The following IQUB variants were observed in gnomAD, a reference collection of about 807,000 sequenced individuals.
IQUB encodes the protein IQ motif and ubiquitin-like domain-containing protein.
IQUB carries 86 observed loss-of-function variants against 86.4 expected under a neutral mutation model. That is an observed-to-expected ratio of 1.00 (90% CI 0.84 to 1.19). The LOEUF is 1.19. IQUB is among the 50% of genes most tolerant of loss of function. The pLI, the probability that IQUB is intolerant of heterozygous loss-of-function variation, is 0.00. For missense variants in IQUB, 946 were observed against 916.9 expected (o/e 1.03, Z -0.41); for synonymous variants, 289 against 304.5 (o/e 0.95, Z 0.53).
Position 123,461,510 on chromosome 7 carries a change from G to T in IQUB, c.1854C>A (p.Thr618=), listed in dbSNP as rs752651563. Residue 618 remains threonine, a synonymous_variant, in exon 11 of 13, where the codon ACC becomes ACA. Transcript: ENST00000324698. Reference sequence around the variant, plus strand: ...TACGACACCGGTATATGCGGCGTGAGGTGGATGATACAGAAAATTCTGTAG... The same window carrying T: ...TACGACACCGGTATATGCGGCGTGATGTGGATGATACAGAAAATTCTGTAG... ...LPSTEFSVSS[T]SRRIYRCRNC... is the part of the protein sequence containing the mutation. 3 of 1,612,300 alleles carry T rather than the reference G, an allele frequency of 1.9e-6. No individual in the cohort carries two copies. The highest frequency in any genetic ancestry group is 2.5e-6 in the Non-Finnish European group (3 of 1,178,926).
At chr7:123,528,389 C>A (rs1041147667) in intron 1 of IQUB, among the ~76,000 whole-genome samples, 2 of 152,176 alleles carry the variant, frequency 1.3e-5, no homozygotes, top group African/African-American at 4.8e-5. Flanking sequence ...AATACTTATA[C>A]CAAATTATTT....
At chr7:123,501,096 T>C (rs1795923672) in intron 6 of IQUB, 1 of 152,204 alleles carries the variant, frequency 6.6e-6, no homozygotes, top group Non-Finnish European at 1.5e-5. Context: ...GGGATGCAAG[T>C]AGAAGTCACT....
chr7:123,456,410 C>G (rs1404744551), intron 12 of IQUB, among the ~76,000 whole-genome samples: 1 of 152,076 alleles, frequency 6.6e-6, no homozygotes, highest in Non-Finnish European at 1.5e-5. Flanking sequence ...ACATTTAATA[C>G]AGCTTCAACT....
chr7:123,461,453 T>C lies in IQUB; in HGVS notation c.1911A>G (p.Lys637=). 1 of 1,612,388 alleles carries C rather than the reference T, an allele frequency of 6.2e-7. No individual in the cohort carries two copies. The change falls in exon 11 of 13, where the codon AAA becomes AAG. Residue 637 remains lysine (K), a synonymous_variant. Transcript: ENST00000324698. The part of the protein sequence containing the change: ...NCINLQNEAQ[K]RESFLKYKCL... ...ATTTGTACTTCAAAAATGATTCTCG[T>C]TTTTGAGCCTCATTCTGAAGGTTAA...
chr7:123,534,220 G>C (rs530527993), intron 1 of IQUB, among the ~76,000 whole-genome samples: 1 of 152,206 alleles, frequency 6.6e-6, no homozygotes, highest in Non-Finnish European at 1.5e-5. Context: ...AGCACCCAGG[G>C]TGTGAGGTGA....
chr7:123,485,868 A>G (rs1795196216), intron 7 of IQUB, among the ~76,000 whole-genome samples: 1 of 152,204 alleles, frequency 6.6e-6, no homozygotes. Context: ...ACGTAATCAA[A>G]AAGTAGAGAC....
In IQUB at chr7:123,479,947, G is replaced by A. The variant is rs140351084; in HGVS notation, c.1258C>T (p.Arg420Cys). ...LEFWRQEELTRINQSFTGAER... is the reference protein window; with the variant it reads ...LEFWRQEELTCINQSFTGAER... Reference sequence around the variant, plus strand: ...GCTCCAGTAAAAGATTGGTTAATACGTGTAAGTTCTTCTTGCCGCCAGACT... The same window carrying A: ...GCTCCAGTAAAAGATTGGTTAATACATGTAAGTTCTTCTTGCCGCCAGACT... The change falls in exon 8 of 13, where the codon CGT (arginine) becomes TGT (cysteine). Residue 420 changes from arginine (R) to cysteine (C), a missense_variant. Transcript: ENST00000324698. 2.5e-4 allele frequency: 400 copies of A among 1,608,834 alleles called. No individual in the cohort carries two copies. Among genetic ancestry groups the A allele is most frequent in the Middle Eastern group, 6.6e-4 (4 of 6,060 alleles).
At chr7:123,479,747 T>A in intron 8 of IQUB, 48 bp downstream of exon 8, 1 of 1,374,216 alleles carries the variant, frequency 7.3e-7, no homozygotes, top group Non-Finnish European at 1.0e-6. Flanking sequence ...ATTCTACATT[T>A]TTTAACTCAG....
At chr7:123,479,289 TTA>T (rs1794891599) in intron 8 of IQUB, among the ~76,000 whole-genome samples, 1 of 152,158 alleles carries the variant, frequency 6.6e-6, no homozygotes, top group South Asian at 2.1e-4. Flanking sequence ...TTTTCCTTAA[TTA>T]TATGTTTTCA....
rs533866528 is a variant in IQUB at position 123,521,681 on chromosome 7, C to CACAG, written c.-4-9338_-4-9337insCTGT. Among the ~76,000 whole-genome samples, 742 of 151,102 alleles carry CACAG rather than the reference C, an allele frequency of 4.9e-3. 3 individuals are homozygous for CACAG. Among genetic ancestry groups the CACAG allele is most frequent in the Non-Finnish European group, 6.6e-3 (446 of 67,780 alleles). ...ACACACACACACACACACACACACA[C>CACAG]AGAGATCACAGTTCTCTGTAACCTG... On this transcript the variant is annotated intron_variant, in intron 1 of 12. Transcript: ENST00000324698.
intron 11 of IQUB, among the ~76,000 whole-genome samples, chr7:123,458,690 GTGTT>G (rs1793834688): frequency 6.6e-6 from 1 of 151,860 alleles, no homozygotes. Context: ...ACAGAATAAC[GTGTT>G]TATTTGCATG....
chr7:123,466,819 T>A (rs1794284384), intron 9 of IQUB, among the ~76,000 whole-genome samples: 1 of 152,150 alleles, frequency 6.6e-6, no homozygotes, highest in Non-Finnish European at 1.5e-5. Flanking sequence ...CCACTGATTT[T>A]CATTACAATA....
intron 8 of IQUB, among the ~76,000 whole-genome samples, chr7:123,478,524 A>G (rs1316263614): frequency 2.0e-5 from 3 of 152,156 alleles, no homozygotes; most frequent in Admixed American, 6.5e-5. Context: ...TACCTATGTA[A>G]TAAACCTGCA....
intron 1 of IQUB, among the ~76,000 whole-genome samples, chr7:123,520,407 GGC>G (rs1796848965): frequency 6.6e-6 from 1 of 152,140 alleles, no homozygotes; most frequent in South Asian, 2.1e-4. Context: ...CAAAGAAGGT[GGC>G]TAGGAAGTAT....
chr7:123,465,806 AG>A (rs1233491051), intron 9 of IQUB, among the ~76,000 whole-genome samples: 1 of 152,160 alleles, frequency 6.6e-6, no homozygotes, highest in Non-Finnish European at 1.5e-5. Flanking sequence ...GAAGGACCTG[AG>A]GGAGATTTTT....
At chr7:123,511,896 ATTC>A (rs762138429) in intron 2 of IQUB, 45 bp downstream of exon 2, 29 of 1,395,878 alleles carry the variant, frequency 2.1e-5, no homozygotes, top group Middle Eastern at 1.9e-4. Context: ...AAACGCATTC[ATTC>A]TTCAAAATGA....
chr7:123,463,041 A>ACTT (rs993434184), intron 10 of IQUB, among the ~76,000 whole-genome samples: 6 of 151,708 alleles, frequency 4.0e-5, no homozygotes, highest in Non-Finnish European at 7.4e-5. Flanking sequence ...AAAGCCAGTA[A>ACTT]CTTTTAAATC....
At chr7:123,485,872 TAG>T (rs1795196356) in intron 7 of IQUB, among the ~76,000 whole-genome samples, 1 of 152,070 alleles carries the variant, frequency 6.6e-6, no homozygotes, top group South Asian at 2.1e-4. Flanking sequence ...AATCAAAAAG[TAG>T]AGACTCAAGC....
intron 10 of IQUB, among the ~76,000 whole-genome samples, chr7:123,461,944 T>A (rs1794010021): frequency 6.6e-6 from 1 of 151,806 alleles, no homozygotes; most frequent in South Asian, 2.1e-4. Context: ...TTTTTTTCAG[T>A]TCTATATTAC....
Sources: gnomAD v4.1 joint callset for allele counts (sites outside exome capture counted in the v4.1 genomes callset) on GRCh38, gnomAD v4.1.1 for gene constraint, MANE v1.5 for transcripts, NCBI Gene and HGNC (gene_info 2026-07-23, HGNC 2026-07-21) for gene names.